The following FAM180A variants were observed in gnomAD, a reference collection of about 807,000 sequenced individuals.
FAM180A encodes family with sequence similarity 180 member A.
FAM180A carries 14 observed loss-of-function variants against 15.3 expected under a neutral mutation model. That is an observed-to-expected ratio of 0.92 (90% CI 0.61 to 1.43). The LOEUF is 1.43. FAM180A is among the 40% of genes most tolerant of loss of function. FAM180A has a pLI of 0.00. For synonymous variants in FAM180A, 90 were observed against 96.8 expected (o/e 0.93, Z 0.41); for missense variants, 200 against 220.8 (o/e 0.91, Z 0.60).
chr7:135,736,487 C>T (rs117546178), intron 2 of FAM180A, among the ~76,000 whole-genome samples: 3 of 152,158 alleles, frequency 2.0e-5, no homozygotes, highest in Admixed American at 6.5e-5. Flanking sequence ...GCACAGCGGA[C>T]GGGAGATAGA....
intron 3 of FAM180A, among the ~76,000 whole-genome samples, chr7:135,732,127 C>T (rs1796792027): frequency 6.6e-6 from 1 of 152,158 alleles, no homozygotes; most frequent in Non-Finnish European, 1.5e-5. Flanking sequence ...AGGCAATGGC[C>T]AGCTAAGAAA....
Position 135,743,349 on chromosome 7 carries a change from C to T in FAM180A, c.76+5156G>A, listed in dbSNP as rs555745741. 1.2e-3 allele frequency among the ~76,000 whole-genome samples: 188 copies of T among 151,896 alleles called. 1 individual carries two copies. Among genetic ancestry groups the T allele is most frequent in the Non-Finnish European group, 2.0e-3 (134 of 67,964 alleles). On this transcript the variant is annotated intron_variant, in intron 1 of 3. Coordinates refer to ENST00000338588, the MANE Select transcript of FAM180A (RefSeq NM_205855.4). ...CCTCCTGAGTAGTTGAAACTACAGGCGCCACCATGCCTGGCTAATTTTTGT... is the reference window on the plus strand; with the variant it reads ...CCTCCTGAGTAGTTGAAACTACAGGTGCCACCATGCCTGGCTAATTTTTGT...
intron 2 of FAM180A, 44 bp downstream of exon 2, chr7:135,737,055 A>T (rs747351086): frequency 2.2e-5 from 32 of 1,461,808 alleles, no homozygotes; most frequent in Non-Finnish European, 2.9e-5. Context: ...GAAAGTGCAG[A>T]GTCTTTTGGG....
intron 3 of FAM180A, among the ~76,000 whole-genome samples, chr7:135,732,891 G>T (rs1796807944): frequency 6.6e-6 from 1 of 152,166 alleles, no homozygotes; most frequent in East Asian, 1.9e-4. Flanking sequence ...TTTTTATTTG[G>T]AGCATTTAGT....
rs1215013158 is a variant in FAM180A, at chr7:135,734,232, A to T, written c.265T>A (p.Phe89Ile). 6.2e-7 allele frequency: 1 copy of T among 1,614,220 alleles called. No individual in the cohort carries two copies. Among genetic ancestry groups the T allele is most frequent in the Non-Finnish European group, 8.5e-7 (1 of 1,180,036 alleles). ...ELASLRKASD[F>I]RTVCNNVIPK... ...ATGACGTTGTTGCAGACGGTGCGGA[A>T]GTCTGAGGCCTTCCGCAAGGAGGCC... Residue 89 changes from phenylalanine to isoleucine, a missense_variant, in exon 3 of 4, where the codon TTC (phenylalanine) becomes ATC (isoleucine). Physicochemically the swap from Phe to Ile is conservative, Grantham distance 21 (BLOSUM62 0). Coordinates refer to ENST00000338588, the MANE Select transcript of FAM180A (RefSeq NM_205855.4).
intron 1 of FAM180A, among the ~76,000 whole-genome samples, chr7:135,739,310 C>CAAAA (rs11383815): frequency 4.7e-4 from 36 of 76,596 alleles, no homozygotes; most frequent in South Asian, 2.9e-3. Flanking sequence ...GACTGCATCT[C>CAAAA]AAAAAAAAAA....
rs993289367 is a variant in FAM180A at position 135,734,405 on chromosome 7, G to T, written c.178-86C>A. ...TCATTATCACGCACCTTCCCTTAGGGAGGCAGCTGCCAGAAGAGCTTTGGA... is the reference window on the plus strand; with the variant it reads ...TCATTATCACGCACCTTCCCTTAGGTAGGCAGCTGCCAGAAGAGCTTTGGA... On this transcript the variant is annotated intron_variant, in intron 2 of 3. Transcript: ENST00000338588. 3.9e-6 allele frequency: 5 copies of T among 1,289,730 alleles called. No individual in the cohort carries two copies. In the African/African-American group the frequency reaches 6.0e-5, roughly 15 times the overall value. 79.9% of individuals were successfully genotyped at this position (1,289,730 alleles called of 1,614,324 possible).
In FAM180A at chr7:135,730,147, C is replaced by T; in HGVS notation, c.*464G>A. On this transcript the variant is annotated 3_prime_UTR_variant, in exon 4 of 4. Coordinates refer to ENST00000338588, the MANE Select transcript of FAM180A (RefSeq NM_205855.4). ...ATTTGTTAGATTCAAGGTGAGGTGA[C>T]AGAGCAATGAAGTCTGCAGCAGTTA... 4 of 985,384 alleles carry T rather than the reference C, an allele frequency of 4.1e-6. No homozygotes were observed. Among genetic ancestry groups the T allele is most frequent in the South Asian group, 4.7e-5 (1 of 21,290 alleles). The allele number at this position is 985,384 out of a possible 1,614,324, so 61.0% of individuals were successfully genotyped here.
At chr7:135,747,242 CATAGGCCCCATAA>C (rs1447752605) in intron 1 of FAM180A, among the ~76,000 whole-genome samples, 1 of 151,986 alleles carries the variant, frequency 6.6e-6, no homozygotes, top group African/African-American at 2.4e-5. Flanking sequence ...CAAAACATCT[CATAGGCCCCATAA>C]ATATGTATAC....
chr7:135,745,656 G>A (rs947706964), intron 1 of FAM180A, among the ~76,000 whole-genome samples: 3 of 152,098 alleles, frequency 2.0e-5, no homozygotes, highest in Admixed American at 2.0e-4. Context: ...TTAGGGAAAG[G>A]CTGGGAGGAT....
At chr7:135,745,219 A>C (rs1797014331) in intron 1 of FAM180A, among the ~76,000 whole-genome samples, 1 of 152,144 alleles carries the variant, frequency 6.6e-6, no homozygotes, top group Non-Finnish European at 1.5e-5. Context: ...ATGACTGAGG[A>C]CACACACAAC....
chr7:135,746,178 T>G (rs1023128549), intron 1 of FAM180A, among the ~76,000 whole-genome samples: 6 of 152,154 alleles, frequency 3.9e-5, no homozygotes, highest in Non-Finnish European at 8.8e-5. Flanking sequence ...GATTGTGAAC[T>G]CACTGTGGAA....
At position 135,748,673 on chromosome 7, in the gene FAM180A, T is replaced by C; in HGVS notation, c.-93A>G. On this transcript the variant is annotated 5_prime_UTR_variant, in exon 1 of 4. Coordinates refer to ENST00000338588, the MANE Select transcript of FAM180A (RefSeq NM_205855.4). ...CGTGCCGTTCTTCCCAGTGAGATGA[T>C]GGAGTGCTTCCCTCCCTTCCTTTTG... 2.1e-6 allele frequency: 2 copies of C among 958,002 alleles called. No individual in the cohort carries two copies. Among genetic ancestry groups the C allele is most frequent in the Non-Finnish European group, 1.7e-6 (1 of 588,480 alleles). 59.3% of individuals were successfully genotyped at this position (958,002 alleles called of 1,614,324 possible). A position where few individuals can be genotyped will look rare whatever the true frequency, so the allele number is the denominator to read the frequency against.
intron 3 of FAM180A, among the ~76,000 whole-genome samples, chr7:135,732,371 C>T (rs759018048): frequency 6.6e-6 from 1 of 152,144 alleles, no homozygotes; most frequent in African/African-American, 2.4e-5. Context: ...TAGAGATTAT[C>T]TTATCCAACT....
At chr7:135,748,451 A>C in intron 1 of FAM180A, 54 bp downstream of exon 1, 1 of 1,459,514 alleles carries the variant, frequency 6.9e-7, no homozygotes. Context: ...TTTGAATTGC[A>C]TTGAAGAAAG....
chr7:135,741,009 A>G (rs1321064689), intron 1 of FAM180A, among the ~76,000 whole-genome samples: 1 of 151,914 alleles, frequency 6.6e-6, no homozygotes, highest in Non-Finnish European at 1.5e-5. Context: ...AGAGGAAGGC[A>G]ATAGGGAGGG....
chr7:135,736,153 G>C (rs1424138896), intron 2 of FAM180A, among the ~76,000 whole-genome samples: 2 of 151,798 alleles, frequency 1.3e-5, no homozygotes, highest in Non-Finnish European at 2.9e-5. Context: ...CTCCTGAGTG[G>C]CTGGGATTAC....
chr7:135,735,278 A>G (rs1378337620), intron 2 of FAM180A, among the ~76,000 whole-genome samples: 2 of 152,198 alleles, frequency 1.3e-5, no homozygotes, highest in Non-Finnish European at 2.9e-5. Flanking sequence ...GGCAAACAAT[A>G]TATTTATTTG....
chr7:135,748,163 T>C (rs908754690), intron 1 of FAM180A, among the ~76,000 whole-genome samples: 2 of 152,096 alleles, frequency 1.3e-5, no homozygotes, highest in Non-Finnish European at 2.9e-5. Context: ...CAGCACCTGC[T>C]CTCCAGACGG....
Sources: allele counts gnomAD v4.1 joint callset (sites outside exome capture counted in the v4.1 genomes callset), GRCh38; gene constraint gnomAD v4.1.1; transcripts MANE v1.5; gene names NCBI Gene and HGNC (gene_info 2026-07-23, HGNC 2026-07-21).